SNX29: variants seen among roughly 807,000 people sequenced by gnomAD.
SNX29 encodes sorting nexin-29.
Under a neutral mutation model 102.1 loss-of-function variants are expected in SNX29, and 78 were observed. The ratio of observed to expected loss-of-function variants is 0.76; its 90% CI spans 0.64 to 0.92. SNX29 has a LOEUF of 0.92. Ranked by LOEUF, SNX29 falls within the 40% of genes least tolerant of loss-of-function variation. SNX29 has a pLI of 0.00. For synonymous variants in SNX29, 580 were observed against 414.5 expected (o/e 1.40, Z -4.85); for missense variants, 1,280 against 1,061.7 (o/e 1.21, Z -2.86).
intron 8 of SNX29, among the ~76,000 whole-genome samples, chr16:12,055,004 C>G (rs1248311357): frequency 6.6e-6 from 1 of 152,124 alleles, no homozygotes; most frequent in Non-Finnish European, 1.5e-5. Flanking sequence ...CAGCCTTGTT[C>G]TTGCTCATAG....
chr16:12,556,459 C>G (rs193167124), intron 20 of SNX29: 10 of 152,228 alleles, frequency 6.6e-5, no homozygotes, highest in African/African-American at 1.7e-4. Context: ...AACTCTTAGG[C>G]GAAGGCCAAA....
At chr16:12,497,731 C>T (rs967095575) in intron 19 of SNX29, among the ~76,000 whole-genome samples, 2 of 152,200 alleles carry the variant, frequency 1.3e-5, no homozygotes, top group Admixed American at 6.5e-5. Context: ...TCTCTCAAGG[C>T]AAAGATGATC....
intron 8 of SNX29, among the ~76,000 whole-genome samples, chr16:12,060,599 A>G (rs888373515): frequency 2.6e-5 from 4 of 152,130 alleles, no homozygotes; most frequent in South Asian, 4.1e-4. Context: ...CAAGACTCCA[A>G]CTCTAAAACA....
chr16:12,208,588 A>C lies in SNX29; in HGVS notation c.1678+8905A>C, dbSNP rs1356680075. On this transcript the variant is annotated intron_variant, in intron 14 of 20. Coordinates refer to ENST00000566228, the MANE Select transcript of SNX29 (RefSeq NM_032167.5). ...GATGATTGCTTGAGCCCAGGAGTTCAAGATCAGCCTGGGCAAGAGCCTTCA... is the reference window on the plus strand; with the variant it reads ...GATGATTGCTTGAGCCCAGGAGTTCCAGATCAGCCTGGGCAAGAGCCTTCA... Among the ~76,000 whole-genome samples, 3 of 152,056 alleles carry C rather than the reference A, an allele frequency of 2.0e-5. No individual in the cohort carries two copies. In the East Asian group the frequency reaches 5.8e-4, roughly 29 times the overall value.
chr16:12,529,549 A>G (rs1175082380), intron 20 of SNX29, among the ~76,000 whole-genome samples: 3 of 152,194 alleles, frequency 2.0e-5, no homozygotes, highest in Non-Finnish European at 4.4e-5. Context: ...TGGGAAATAC[A>G]TTATGTTCTC....
chr16:12,281,058 C>T (rs1283787453), intron 15 of SNX29, among the ~76,000 whole-genome samples: 1 of 152,150 alleles, frequency 6.6e-6, no homozygotes, highest in Non-Finnish European at 1.5e-5. Context: ...CAGGCATGTG[C>T]CACTATTCCC....
rs557505670 is a variant in SNX29 at position 12,573,416 on chromosome 16, G to T, written c.*4787G>T. On this transcript the variant is annotated 3_prime_UTR_variant, in exon 21 of 21. Coordinates refer to ENST00000566228, the MANE Select transcript of SNX29 (RefSeq NM_032167.5). ...CTAGTTTCTATAGAGAAGTGAAAAA[G>T]AAATCTGGCTTCCTTAATAAGATAG... is the stretch of plus-strand genomic sequence containing the variant. 76 of 223,456 alleles carry T rather than the reference G, an allele frequency of 3.4e-4. No homozygotes were observed. Among genetic ancestry groups the T allele is most frequent in the African/African-American group, 1.6e-3 (72 of 44,930 alleles). The allele number at this position is 223,456 out of a possible 1,614,324, so 13.8% of individuals were successfully genotyped here.
At chr16:12,000,071 C>T (rs1017307007) in intron 2 of SNX29, among the ~76,000 whole-genome samples, 2 of 152,152 alleles carry the variant, frequency 1.3e-5, no homozygotes, top group African/African-American at 2.4e-5. Flanking sequence ...CTGAGGTCCT[C>T]TGCTGCTGCC....
chr16:12,294,853 C>T (rs547510404), intron 15 of SNX29, among the ~76,000 whole-genome samples: 4 of 152,182 alleles, frequency 2.6e-5, no homozygotes, highest in African/African-American at 9.6e-5. Context: ...AGCCTGTTTT[C>T]ACGCTGCTGA....
At chr16:12,309,715 C>G (rs2080466947) in intron 15 of SNX29, among the ~76,000 whole-genome samples, 1 of 152,138 alleles carries the variant, frequency 6.6e-6, no homozygotes, top group African/African-American at 2.4e-5. Flanking sequence ...TGAATGTGTT[C>G]AACACTCTTA....
At chr16:12,472,530 A>C (rs1257635703) in intron 18 of SNX29, among the ~76,000 whole-genome samples, 5 of 94,816 alleles carry the variant, frequency 5.3e-5, no homozygotes, top group Non-Finnish European at 9.4e-5. Context: ...AAAAAAAACC[A>C]AAAAAAAAAA....
chr16:12,525,506 C>G (rs1187105918), intron 20 of SNX29, among the ~76,000 whole-genome samples: 3 of 152,026 alleles, frequency 2.0e-5, no homozygotes, highest in Admixed American at 6.6e-5. Flanking sequence ...AATCCTGTCT[C>G]TACTAAAAAT....
chr16:12,470,590 C>G (rs1052138621), intron 18 of SNX29, among the ~76,000 whole-genome samples: 25 of 152,070 alleles, frequency 1.6e-4, no homozygotes, highest in African/African-American at 4.6e-4. Context: ...ACTCAGAAAC[C>G]CACTCGAGAA....
chr16:12,276,652 C>T (rs1251810719), intron 14 of SNX29, among the ~76,000 whole-genome samples: 1 of 152,316 alleles, frequency 6.6e-6, no homozygotes. Context: ...TGTTTTGAGG[C>T]TTGAGGCTAA....
intron 20 of SNX29, among the ~76,000 whole-genome samples, chr16:12,556,156 G>A (rs7202641): frequency 0.018 from 2,696 of 152,196 alleles, 73 homozygotes; most frequent in African/African-American, 0.06. Flanking sequence ...TGGTTAAATC[G>A]CTTTGTCGCC....
intron 15 of SNX29, among the ~76,000 whole-genome samples, chr16:12,327,020 G>C (rs1411566448): frequency 6.6e-6 from 1 of 152,208 alleles, no homozygotes; most frequent in Non-Finnish European, 1.5e-5. Flanking sequence ...TGGGGCTGAT[G>C]GGCTGCTGGG....
chr16:12,070,983 G>A (rs1417662677), intron 10 of SNX29, among the ~76,000 whole-genome samples: 1 of 152,070 alleles, frequency 6.6e-6, no homozygotes. Context: ...TTTGAGAAGT[G>A]TCTGTTCATA....
intron 20 of SNX29, among the ~76,000 whole-genome samples, chr16:12,544,622 C>G (rs371179402): frequency 6.6e-6 from 1 of 152,216 alleles, no homozygotes; most frequent in Non-Finnish European, 1.5e-5. Flanking sequence ...TGCGTCATGC[C>G]TTGGGATCGG....
At chr16:12,106,417 T>C (rs1359127291) in intron 11 of SNX29, among the ~76,000 whole-genome samples, 1 of 152,154 alleles carries the variant, frequency 6.6e-6, no homozygotes, top group Non-Finnish European at 1.5e-5. Flanking sequence ...GTCCATCACA[T>C]GCACATTTCT....
Sources: allele counts gnomAD v4.1 joint callset (sites outside exome capture counted in the v4.1 genomes callset), GRCh38; gene constraint gnomAD v4.1.1; transcripts MANE v1.5; gene names NCBI Gene and HGNC (gene_info 2026-07-23, HGNC 2026-07-21).